The following RANBP2 variants were observed in gnomAD, a reference collection of about 807,000 sequenced individuals.
The protein encoded by RANBP2 is E3 SUMO-protein ligase RanBP2.
RANBP2 carries 57 observed loss-of-function variants against 303.6 expected under a neutral mutation model. The observed-to-expected ratio is 0.19, with a 90% CI of 0.15 to 0.23. RANBP2 has a LOEUF of 0.23. Ranked by LOEUF, RANBP2 falls within the 10% of genes least tolerant of loss-of-function variation. RANBP2 has a pLI of 1.00. For missense variants in RANBP2, 3,138 were observed against 3,780.8 expected, an observed-to-expected ratio of 0.83 and a Z score of 4.46; for synonymous variants, 1,167 against 1,301.5, an observed-to-expected ratio of 0.90 and a Z score of 2.23.
the RANBP2 span, among the ~76,000 whole-genome samples, chr2:109,227,157 G>GGCAGTGGTTGGC: frequency 1.3e-5 from 2 of 152,192 alleles, no homozygotes; most frequent in Non-Finnish European, 2.9e-5. Context: ...TGATGGCAGT[G>GGCAGTGGTTGGC]GCAGTGGTTG....
At chr2:109,348,037 C>T in the RANBP2 span, 3 of 1,475,040 alleles carry the variant, frequency 2.0e-6, no homozygotes, top group Non-Finnish European at 2.7e-6. Context: ...TATAGCCAGA[C>T]AGTCTTTCTT....
the RANBP2 span, among the ~76,000 whole-genome samples, chr2:109,430,586 C>G: frequency 6.6e-6 from 1 of 152,176 alleles, no homozygotes; most frequent in Non-Finnish European, 1.5e-5. Context: ...CTCCTCTCCT[C>G]CCCTCCAGCT....
the RANBP2 span, among the ~76,000 whole-genome samples, chr2:108,969,945 A>T: frequency 1.3e-5 from 2 of 152,256 alleles, no homozygotes; most frequent in African/African-American, 4.8e-5. Context: ...CATACAACTC[A>T]GATTTCTTTA....
the RANBP2 span, among the ~76,000 whole-genome samples, chr2:109,005,288 CCCTGT>C: frequency 1.1e-4 from 17 of 152,276 alleles, no homozygotes; most frequent in African/African-American, 4.1e-4. Context: ...GAATTCATTC[CCCTGT>C]CCTAAGTTTT....
chr2:109,471,366 C>T, the RANBP2 span, among the ~76,000 whole-genome samples: 11 of 152,164 alleles, frequency 7.2e-5, no homozygotes, highest in South Asian at 4.2e-4. Flanking sequence ...CTTCACAAGG[C>T]GGCAGGAGAG....
the RANBP2 span, among the ~76,000 whole-genome samples, chr2:108,928,375 C>T: frequency 6.6e-6 from 1 of 152,204 alleles, no homozygotes; most frequent in African/African-American, 2.4e-5. Flanking sequence ...TTCTGCAACT[C>T]CTAGGACACT....
chr2:109,287,789 A>C, the RANBP2 span, among the ~76,000 whole-genome samples: 45 of 152,038 alleles, frequency 3.0e-4, no homozygotes, highest in African/African-American at 1.1e-3. Context: ...TCAGATATTA[A>C]AGCTTCGCAC....
the RANBP2 span, among the ~76,000 whole-genome samples, chr2:109,368,616 ATAT>A: frequency 6.6e-6 from 1 of 150,656 alleles, no homozygotes; most frequent in Non-Finnish European, 1.5e-5. Flanking sequence ...TTTCTTTCTA[ATAT>A]TTATACTTCT....
chr2:109,580,333 A>G, the RANBP2 span, among the ~76,000 whole-genome samples: 1 of 137,342 alleles, frequency 7.3e-6, no homozygotes, highest in Non-Finnish European at 1.6e-5. Context: ...AGAAGTCACA[A>G]TTTCTCCATA....
the RANBP2 span, among the ~76,000 whole-genome samples, chr2:109,262,316 CGGTGGAAAAGCACCAGGAGGGT>C: frequency 6.6e-6 from 1 of 152,174 alleles, no homozygotes; most frequent in African/African-American, 2.4e-5. Context: ...CGAGTAACCA[CGGTGGAAAAGCACCAGGAGGGT>C]GGTGCTTTCA....
the RANBP2 span, among the ~76,000 whole-genome samples, chr2:109,061,093 C>T: frequency 6.6e-6 from 1 of 151,816 alleles, no homozygotes; most frequent in South Asian, 2.1e-4. Flanking sequence ...TTCATAGTGT[C>T]CTCTGTTAAT....
chr2:108,786,328 A>T (rs1283963658), downstream of RANBP2, among the ~76,000 whole-genome samples: 1 of 150,894 alleles, frequency 6.6e-6, no homozygotes, highest in African/African-American at 2.4e-5. Context: ...TCTCAGGCTC[A>T]AAGCAATGCT....
intron 7 of RANBP2, among the ~76,000 whole-genome samples, chr2:108,742,914 G>C (rs1409899624): frequency 6.6e-6 from 1 of 151,622 alleles, no homozygotes; most frequent in South Asian, 2.1e-4. Context: ...TCAGCCTCCC[G>C]AGTAGCTGGG....
chr2:109,344,383 G>A, the RANBP2 span, among the ~76,000 whole-genome samples: 1 of 152,174 alleles, frequency 6.6e-6, no homozygotes, highest in Non-Finnish European at 1.5e-5. Context: ...AGCTCTGTCT[G>A]CAAAGCCCTG....
At chr2:109,492,471 G>A in the RANBP2 span, among the ~76,000 whole-genome samples, 2 of 152,264 alleles carry the variant, frequency 1.3e-5, no homozygotes, top group Middle Eastern at 6.8e-3. Flanking sequence ...TTCTGCACAG[G>A]GGTGACGTTC....
chr2:109,129,784 C>T, the RANBP2 span: 4 of 1,539,518 alleles, frequency 2.6e-6, no homozygotes, highest in Non-Finnish European at 1.7e-6. Context: ...CCGCCGCTGC[C>T]TGGAGAGCAT....
the RANBP2 span, chr2:109,502,315 C>T: frequency 6.6e-6 from 1 of 152,210 alleles, no homozygotes; most frequent in Admixed American, 6.5e-5. Context: ...CCTTGCATTA[C>T]TTCTTTCTTA....
chr2:108,861,208 A>T, the RANBP2 span, among the ~76,000 whole-genome samples: 16 of 148,264 alleles, frequency 1.1e-4, no homozygotes, highest in Non-Finnish European at 1.9e-4. Flanking sequence ...GTTTATTGGG[A>T]TCATCTCTCT....
the RANBP2 span, chr2:109,618,685 A>G: frequency 1.2e-5 from 2 of 166,964 alleles, no homozygotes; most frequent in East Asian, 3.8e-4. Flanking sequence ...CCTACCTTTA[A>G]TGGAAAAATA....
Sources: allele counts gnomAD v4.1 joint callset (sites outside exome capture counted in the v4.1 genomes callset), GRCh38; gene constraint gnomAD v4.1.1; transcripts MANE v1.5; gene names NCBI Gene and HGNC (gene_info 2026-07-23, HGNC 2026-07-21).